ANKRD29: variants seen among roughly 807,000 people sequenced by gnomAD.
ANKRD29 encodes the protein ankyrin repeat domain 29.
Under a neutral mutation model 38.0 loss-of-function variants are expected in ANKRD29, and 32 were observed. The observed-to-expected ratio is 0.84, with a 90% CI of 0.64 to 1.13. The LOEUF is 1.13. Among genes scored for constraint, ANKRD29 ranks in the 50% most tolerant of loss-of-function variants. ANKRD29 has a pLI of 0.00. For missense variants in ANKRD29, 357 were observed against 377.9 expected, an observed-to-expected ratio of 0.94 and a Z score of 0.46; for synonymous variants, 135 against 152.4, an observed-to-expected ratio of 0.89 and a Z score of 0.84.
intron 4 of ANKRD29, among the ~76,000 whole-genome samples, chr18:23,635,234 A>C (rs189022828): frequency 6.6e-6 from 1 of 151,102 alleles, no homozygotes; most frequent in Non-Finnish European, 1.5e-5. Context: ...ACACCACTGC[A>C]CCCCAGCATG....
chr18:23,612,347 G>C (rs546984091), intron 8 of ANKRD29, among the ~76,000 whole-genome samples, 157 bp from the exon 9 acceptor site: 1 of 152,184 alleles, frequency 6.6e-6, no homozygotes, highest in Non-Finnish European at 1.5e-5. Flanking sequence ...TCAGCCCCTA[G>C]TATAGTGTCC....
At chr18:23,623,761 G>A (rs2059825198) in intron 6 of ANKRD29, among the ~76,000 whole-genome samples, 1 of 151,856 alleles carries the variant, frequency 6.6e-6, no homozygotes, top group African/African-American at 2.4e-5. Context: ...TCCTGCCTCA[G>A]CCTCCCGAGT....
chr18:23,603,013 T>C (rs1194976234), intron 9 of ANKRD29, among the ~76,000 whole-genome samples: 1 of 152,224 alleles, frequency 6.6e-6, no homozygotes, highest in Non-Finnish European at 1.5e-5. Context: ...TATTGTGATA[T>C]GCTGTTTTGG....
At chr18:23,632,353 C>T (rs999704784) in intron 5 of ANKRD29, among the ~76,000 whole-genome samples, 4 of 151,604 alleles carry the variant, frequency 2.6e-5, no homozygotes, top group Non-Finnish European at 5.9e-5. Context: ...ATATTTCAAT[C>T]GTTTTTAAGA....
At chr18:23,639,026 A>G (rs1433867693) in intron 3 of ANKRD29, 79 bp from the exon 4 acceptor site, 8 of 1,123,406 alleles carry the variant, frequency 7.1e-6, no homozygotes, top group Admixed American at 2.5e-5. Context: ...AAGAAAACAA[A>G]ACAATATCCT....
chr18:23,642,842 ACC>A (rs1286658865), intron 3 of ANKRD29, among the ~76,000 whole-genome samples: 38 of 152,290 alleles, frequency 2.5e-4, no homozygotes, highest in Non-Finnish European at 4.4e-4. Context: ...TAAAAATCAC[ACC>A]TGAAGGTGGA....
rs1339450559 is a variant in ANKRD29 at position 23,599,620 on chromosome 18, G to A, written c.*1606C>T. 1 of 152,154 alleles carries A rather than the reference G, an allele frequency of 6.6e-6. No homozygotes were observed. Among genetic ancestry groups the A allele is most frequent in the Non-Finnish European group, 1.5e-5 (1 of 68,030 alleles). 9.4% of individuals were successfully genotyped at this position (152,154 alleles called of 1,614,324 possible). A position where few individuals can be genotyped will look rare whatever the true frequency, so the allele number is the denominator to read the frequency against. On this transcript the variant is annotated 3_prime_UTR_variant, in exon 10 of 10. Coordinates refer to ENST00000592179, the MANE Select transcript of ANKRD29 (RefSeq NM_173505.4). ...ATAAAAGAATGTCAATGAGGAAATG[G>A]CATTGATTTTAGCCACCAAAATGTT...
intron 5 of ANKRD29, among the ~76,000 whole-genome samples, chr18:23,633,036 A>G (rs1224694221): frequency 1.3e-5 from 2 of 152,198 alleles, no homozygotes; most frequent in Non-Finnish European, 2.9e-5. Flanking sequence ...TACGGTTCCT[A>G]GATAATTGGA....
At chr18:23,623,512 C>T (rs958028084) in intron 6 of ANKRD29, among the ~76,000 whole-genome samples, 2 of 152,024 alleles carry the variant, frequency 1.3e-5, no homozygotes, top group Admixed American at 6.6e-5. Flanking sequence ...TGATGGGGTG[C>T]AGTGGCTCAC....
chr18:23,660,577 C>A (rs1024924373), intron 1 of ANKRD29, among the ~76,000 whole-genome samples: 2 of 152,068 alleles, frequency 1.3e-5, no homozygotes, highest in Non-Finnish European at 2.9e-5. Flanking sequence ...GAGGCTGAGG[C>A]GGGCGATCAC....
At chr18:23,646,446 G>T (rs1679990121) in intron 2 of ANKRD29, 159 bp from the exon 3 acceptor site, 2 of 518,026 alleles carry the variant, frequency 3.9e-6, no homozygotes, top group Non-Finnish European at 6.7e-6. Flanking sequence ...TCATCATGCA[G>T]CCTAGATGGG....
intron 9 of ANKRD29, among the ~76,000 whole-genome samples, chr18:23,609,039 A>G (rs1168010369): frequency 1.3e-5 from 2 of 151,986 alleles, no homozygotes; most frequent in Non-Finnish European, 2.9e-5. Context: ...GGTTGCAGTG[A>G]GCTGAGATCG....
rs1044014898 is a variant in ANKRD29, at chr18:23,654,030, G to A, written c.22-4837C>T. On this transcript the variant is annotated intron_variant, in intron 1 of 9. Transcript: ENST00000592179. ...CGCCTGTAATCTCAGCACTTTGGGA[G>A]GCCCAGGCGGGCAGATCATGAGGTC... Among the ~76,000 whole-genome samples the A allele has an allele frequency of 1.5e-4, 23 of 151,896 alleles. No individual in the cohort carries two copies. In the East Asian group the frequency reaches 2.5e-3, roughly 17 times the overall value.
At chr18:23,652,449 G>C (rs534840965) in intron 1 of ANKRD29, among the ~76,000 whole-genome samples, 1 of 152,234 alleles carries the variant, frequency 6.6e-6, no homozygotes, top group Non-Finnish European at 1.5e-5. Flanking sequence ...GAGTAAGGCA[G>C]CAGTGACCCC....
intron 7 of ANKRD29, 136 bp downstream of exon 7, chr18:23,619,395 C>T (rs557781001): frequency 2.4e-6 from 2 of 830,876 alleles, no homozygotes; most frequent in South Asian, 1.8e-5. Flanking sequence ...CGAATCAGAC[C>T]TTGACTTTGT....
intron 2 of ANKRD29, chr18:23,647,530 A>T (rs1220268634): frequency 6.9e-6 from 1 of 145,952 alleles, no homozygotes; most frequent in Non-Finnish European, 1.5e-5. Flanking sequence ...GCTCTATGGT[A>T]TTTTTTTTTT....
chr18:23,612,091 C>T lies in ANKRD29; in HGVS notation c.822+1G>A, dbSNP rs772692506. 1.2e-6 allele frequency: 2 copies of T among 1,612,976 alleles called. No individual in the cohort carries two copies. Among genetic ancestry groups the T allele is most frequent in the Non-Finnish European group, 8.5e-7 (1 of 1,179,866 alleles). On this transcript the variant is annotated splice_donor_variant, in intron 9 of 9. Coordinates refer to ENST00000592179, the MANE Select transcript of ANKRD29 (RefSeq NM_173505.4). LOFTEE classifies it high-confidence loss of function. Reference sequence around the variant, plus strand: ...GAGTTAAAAGATTGCTTAGTGGGTACCTTGTTTCTCAGGGATGGGTCTGCC... The same window carrying T: ...GAGTTAAAAGATTGCTTAGTGGGTATCTTGTTTCTCAGGGATGGGTCTGCC...
chr18:23,662,639 C>T, intron 1 of ANKRD29, 71 bp downstream of exon 1: 1 of 566,658 alleles, frequency 1.8e-6, no homozygotes, highest in Admixed American at 4.2e-5. Context: ...CCCATCCCAC[C>T]CCACCCGACC....
At chr18:23,612,717 G>A (rs573844083) in intron 8 of ANKRD29, among the ~76,000 whole-genome samples, 11 of 152,282 alleles carry the variant, frequency 7.2e-5, no homozygotes, top group Non-Finnish European at 1.3e-4. Context: ...GTGGGGTGAG[G>A]CAATGCCCCG....
Sources: gnomAD v4.1 joint callset for allele counts (sites outside exome capture counted in the v4.1 genomes callset) on GRCh38, gnomAD v4.1.1 for gene constraint, MANE v1.5 for transcripts, NCBI Gene and HGNC (gene_info 2026-07-23, HGNC 2026-07-21) for gene names.